Variants in DLG1 observed in about 807,000 individuals in gnomAD.
DLG1 encodes the protein disks large homolog 1.
A neutral mutation model predicts 123.4 loss-of-function variants in DLG1; 42 were observed. The ratio of observed to expected loss-of-function variants is 0.34; its 90% confidence interval spans 0.27 to 0.44. The LOEUF (loss-of-function observed/expected upper bound fraction) is 0.44. Among genes scored for constraint, DLG1 ranks in the 20% least tolerant of loss-of-function variants. The pLI, the probability that DLG1 is intolerant of heterozygous loss-of-function variation, is 1.00. For synonymous variants in DLG1, 317 were observed against 356.2 expected, an observed-to-expected ratio of 0.89 and a Z score of 1.24; for missense variants, 942 against 1,082.6, an observed-to-expected ratio of 0.87 and a Z score of 1.82.
chr3:197,102,811 T>C (rs1440263891), intron 14 of DLG1, among the ~76,000 whole-genome samples: 1 of 152,212 alleles, frequency 6.6e-6, no homozygotes, highest in Non-Finnish European at 1.5e-5. Context: ...TGAGCCGAGA[T>C]TGTGCCACTG....
At chr3:197,152,626 C>T (rs1367672725) in intron 5 of DLG1, among the ~76,000 whole-genome samples, 7 of 151,352 alleles carry the variant, frequency 4.6e-5, no homozygotes, top group Middle Eastern at 3.4e-3. Context: ...AGCTGGGCTT[C>T]GTGGCAGGCG....
chr3:197,237,228 A>G (rs1288514847), intron 4 of DLG1, among the ~76,000 whole-genome samples: 2 of 152,220 alleles, frequency 1.3e-5, no homozygotes, highest in South Asian at 2.1e-4. Context: ...CAAAAATAAG[A>G]CTGAAAGGTG....
At position 197,296,373 on chromosome 3, in the gene DLG1, G is replaced by GAAAT; in HGVS notation, c.120_123dup (p.Gln42IlefsTer17). On this transcript the variant is annotated frameshift_variant, in exon 3 of 25. Coordinates refer to ENST00000667157, the MANE Select transcript of DLG1 (RefSeq NM_001366207.1). LOFTEE classifies it high-confidence loss of function. ...ATTAAAGCCTGAAAGAGGTTGCTCT[G>GAAAT]AAATATGTTAATAACCCGTTCTATG... 1 of 1,613,734 alleles carries GAAAT rather than the reference G, an allele frequency of 6.2e-7. No homozygotes were observed. Among genetic ancestry groups the GAAAT allele is most frequent in the Non-Finnish European group, 8.5e-7 (1 of 1,179,742 alleles).
chr3:197,076,826 A>C (rs1747623089), intron 17 of DLG1, 141 bp from the exon 18 acceptor site: 1 of 458,850 alleles, frequency 2.2e-6, no homozygotes, highest in Admixed American at 3.9e-5. Context: ...ATCTCATATA[A>C]AGTGAATTTC....
intron 11 of DLG1, among the ~76,000 whole-genome samples, chr3:197,127,436 AAAAAAAAAAAAAAAAAAAAAAATATAT>A (rs1293242180): frequency 9.0e-5 from 4 of 44,424 alleles, no homozygotes; most frequent in African/African-American, 3.0e-4. Flanking sequence ...AAAAAAAAAA[AAAAAAAAAAAAAAAAAAAAAAATATAT>A]ATATATATAT....
At chr3:197,045,944 T>C (rs1053424801) in intron 24 of DLG1, among the ~76,000 whole-genome samples, 2 of 152,168 alleles carry the variant, frequency 1.3e-5, no homozygotes, top group Non-Finnish European at 2.9e-5. Context: ...TGAGATGATG[T>C]GCATAGAAGA....
At chr3:197,075,768 A>G in intron 18 of DLG1, 1 of 1,392,768 alleles carries the variant, frequency 7.2e-7, no homozygotes, top group Non-Finnish European at 1.0e-6. Flanking sequence ...GAATCTCAAA[A>G]TGTATCTGAA....
intron 3 of DLG1, among the ~76,000 whole-genome samples, chr3:197,289,793 T>A (rs1218993332): frequency 1.3e-5 from 2 of 152,214 alleles, no homozygotes; most frequent in African/African-American, 4.8e-5. Flanking sequence ...GAATATCCTA[T>A]AAAATTTAAA....
chr3:197,183,052 C>G (rs1196612752), intron 5 of DLG1, among the ~76,000 whole-genome samples: 7 of 151,990 alleles, frequency 4.6e-5, no homozygotes, highest in Non-Finnish European at 8.8e-5. Context: ...CATTAAATCC[C>G]TTGAATAAGC....
chr3:197,163,342 T>C (rs184309070), intron 5 of DLG1, among the ~76,000 whole-genome samples: 4 of 152,256 alleles, frequency 2.6e-5, no homozygotes, highest in African/African-American at 4.8e-5. Context: ...GATCTAGCAA[T>C]TGGGTAGGTA....
In DLG1 at chr3:197,157,251, A is replaced by G. The variant is rs115410887; in HGVS notation, c.484-7455T>C. Among the ~76,000 whole-genome samples, 789 of 152,332 alleles carry G rather than the reference A, an allele frequency of 5.2e-3. 7 individuals are homozygous for G. The highest frequency in any genetic ancestry group is 0.016 in the African/African-American group (663 of 41,584). On this transcript the variant is annotated intron_variant, in intron 5 of 24. Coordinates refer to ENST00000667157, the MANE Select transcript of DLG1 (RefSeq NM_001366207.1). ...GAAGAAGCAAAATTACTTGTTCACAAATGATATGATCTTATATGTAAAACA... is the reference window on the plus strand; with the variant it reads ...GAAGAAGCAAAATTACTTGTTCACAGATGATATGATCTTATATGTAAAACA...
At chr3:197,185,859 C>T (rs1329727322) in intron 5 of DLG1, among the ~76,000 whole-genome samples, 1 of 152,118 alleles carries the variant, frequency 6.6e-6, no homozygotes, top group Non-Finnish European at 1.5e-5. Flanking sequence ...CAATAGTAGG[C>T]TCTTAGTGAG....
At chr3:197,076,972 A>T (rs1747720481) in intron 17 of DLG1, among the ~76,000 whole-genome samples, 1 of 152,208 alleles carries the variant, frequency 6.6e-6, no homozygotes, top group African/African-American at 2.4e-5. Flanking sequence ...GTACAAACCA[A>T]GCTAACATTT....
chr3:197,160,573 A>T (rs902107022), intron 5 of DLG1, among the ~76,000 whole-genome samples: 10 of 152,108 alleles, frequency 6.6e-5, no homozygotes, highest in Non-Finnish European at 1.3e-4. Flanking sequence ...TTATTTTCAT[A>T]ATCAAAAATT....
At chr3:197,250,742 T>C (rs1334556775) in intron 4 of DLG1, among the ~76,000 whole-genome samples, 1 of 151,486 alleles carries the variant, frequency 6.6e-6, no homozygotes, top group Admixed American at 6.6e-5. Context: ...CACGTGTCAT[T>C]CCAGCACTTT....
At chr3:197,230,772 G>C (rs1742520275) in intron 4 of DLG1, among the ~76,000 whole-genome samples, 1 of 152,086 alleles carries the variant, frequency 6.6e-6, no homozygotes, top group South Asian at 2.1e-4. Flanking sequence ...ACAGAGCAGA[G>C]GACTTAGGTA....
At chr3:197,210,106 C>T (rs1160964385) in intron 4 of DLG1, among the ~76,000 whole-genome samples, 1 of 146,082 alleles carries the variant, frequency 6.8e-6, no homozygotes, top group Non-Finnish European at 1.5e-5. Flanking sequence ...GTGAGTCCTT[C>T]CAGTAAATTA....
At chr3:197,126,279 C>A (rs1779047020) in intron 11 of DLG1, among the ~76,000 whole-genome samples, 1 of 151,946 alleles carries the variant, frequency 6.6e-6, no homozygotes, top group African/African-American at 2.4e-5. Flanking sequence ...AGTTCGAGAC[C>A]AGCCTGACCA....
intron 4 of DLG1, among the ~76,000 whole-genome samples, chr3:197,241,153 A>C (rs1272654973): frequency 6.6e-6 from 1 of 152,142 alleles, no homozygotes; most frequent in African/African-American, 2.4e-5. Flanking sequence ...GCAGCAATAG[A>C]AAAGAAACAA....
Sources: allele counts gnomAD v4.1 joint callset (sites outside exome capture counted in the v4.1 genomes callset), GRCh38; gene constraint gnomAD v4.1.1; transcripts MANE v1.5; gene names NCBI Gene and HGNC (gene_info 2026-07-23, HGNC 2026-07-21).